The following UNC5C variants were observed in gnomAD, a reference collection of about 807,000 sequenced individuals.
UNC5C encodes netrin receptor UNC5C.
A neutral mutation model predicts 99.8 loss-of-function variants in UNC5C; 47 were observed. That is an observed-to-expected ratio of 0.47 (90% CI 0.37 to 0.60). UNC5C has a LOEUF of 0.60. Among genes scored for constraint, UNC5C ranks in the 20% least tolerant of loss-of-function variants. The pLI is 0.00. For missense variants in UNC5C, 1,062 were observed against 1,165.9 expected, an observed-to-expected ratio of 0.91 and a Z score of 1.30; for synonymous variants, 487 against 452.2, an observed-to-expected ratio of 1.08 and a Z score of -0.98.
intron 7 of UNC5C, among the ~76,000 whole-genome samples, chr4:95,227,144 T>C (rs972845747): frequency 1.3e-5 from 2 of 151,996 alleles, no homozygotes; most frequent in East Asian, 3.9e-4. Flanking sequence ...ACAATGTTTT[T>C]TTTTTTTTTT....
At chr4:95,395,554 T>A (rs569388470) in intron 1 of UNC5C, among the ~76,000 whole-genome samples, 1 of 152,132 alleles carries the variant, frequency 6.6e-6, no homozygotes, top group African/African-American at 2.4e-5. Flanking sequence ...CTCTGTCATA[T>A]CAAAGTTAAA....
At chr4:95,480,196 T>C (rs781567348) in intron 1 of UNC5C, among the ~76,000 whole-genome samples, 1 of 150,530 alleles carries the variant, frequency 6.6e-6, no homozygotes, top group Non-Finnish European at 1.5e-5. Context: ...TGTATGTACA[T>C]ATATATGTAT....
intron 1 of UNC5C, among the ~76,000 whole-genome samples, chr4:95,453,734 T>G (rs1747349839): frequency 6.6e-6 from 1 of 152,050 alleles, no homozygotes; most frequent in Non-Finnish European, 1.5e-5. Context: ...AATAAGCAGA[T>G]CATTACAGTA....
At chr4:95,503,465 T>C (rs931500575) in intron 1 of UNC5C, among the ~76,000 whole-genome samples, 1 of 152,176 alleles carries the variant, frequency 6.6e-6, no homozygotes, top group South Asian at 2.1e-4. Flanking sequence ...TCTTCTTTTG[T>C]AACATTAATA....
At position 95,419,753 on chromosome 4, in the gene UNC5C, A is replaced by G. The variant is rs549062116; in HGVS notation, c.125-84122T>C. On this transcript the variant is annotated intron_variant, in intron 1 of 15. Transcript: ENST00000453304. ...CTGGGCCCAAGGAATCCATTTATAG[A>G]CTGATGCTTTTCTGGTCCATGTTGA... 1.3e-4 allele frequency among the ~76,000 whole-genome samples: 20 copies of G among 152,206 alleles called. No individual in the cohort carries two copies. In the South Asian group the frequency reaches 3.7e-3, roughly 28 times the overall value.
chr4:95,251,475 G>A (rs1387750138), intron 4 of UNC5C, among the ~76,000 whole-genome samples: 1 of 152,156 alleles, frequency 6.6e-6, no homozygotes, highest in Non-Finnish European at 1.5e-5. Flanking sequence ...TAATATTAAT[G>A]TAGTAATAGT....
intron 3 of UNC5C, among the ~76,000 whole-genome samples, chr4:95,280,933 C>T (rs1416858393): frequency 6.6e-6 from 1 of 152,150 alleles, no homozygotes; most frequent in Non-Finnish European, 1.5e-5. Context: ...CCAATGGAAA[C>T]ATTAAGAATT....
chr4:95,191,985 C>T (rs143327507), intron 12 of UNC5C, among the ~76,000 whole-genome samples: 16 of 124,356 alleles, frequency 1.3e-4, no homozygotes, highest in Non-Finnish European at 2.1e-4. Flanking sequence ...CCTCCCCTCC[C>T]CCCTGCTAAT....
At chr4:95,456,889 C>G (rs548445105) in intron 1 of UNC5C, among the ~76,000 whole-genome samples, 11 of 152,118 alleles carry the variant, frequency 7.2e-5, no homozygotes, top group Admixed American at 2.6e-4. Flanking sequence ...TTTTCTATGA[C>G]TATAATTATT....
chr4:95,540,017 A>G (rs886509099), intron 1 of UNC5C, among the ~76,000 whole-genome samples: 1 of 152,054 alleles, frequency 6.6e-6, no homozygotes, highest in Non-Finnish European at 1.5e-5. Context: ...ATGTGTGTAT[A>G]AATATAAACA....
chr4:95,184,607 A>G (rs1414085653), intron 13 of UNC5C, among the ~76,000 whole-genome samples: 7 of 152,154 alleles, frequency 4.6e-5, no homozygotes, highest in African/African-American at 1.4e-4. Flanking sequence ...TTACTTTTAC[A>G]TGCTATTTCA....
intron 1 of UNC5C, among the ~76,000 whole-genome samples, chr4:95,522,077 C>T (rs569453319): frequency 6.6e-5 from 10 of 152,086 alleles, no homozygotes; most frequent in African/African-American, 2.4e-4. Flanking sequence ...AAATCGTATT[C>T]AATTTTCCAA....
intron 2 of UNC5C, among the ~76,000 whole-genome samples, chr4:95,306,818 T>C (rs1010188698): frequency 1.3e-5 from 2 of 152,192 alleles, no homozygotes; most frequent in Non-Finnish European, 2.9e-5. Flanking sequence ...AATTTCATTA[T>C]AGTACATTCA....
At chr4:95,311,970 C>T (rs1321879333) in intron 2 of UNC5C, among the ~76,000 whole-genome samples, 1 of 151,968 alleles carries the variant, frequency 6.6e-6, no homozygotes, top group Non-Finnish European at 1.5e-5. Context: ...TTGCTTGAGC[C>T]TAGGAGTTTG....
intron 1 of UNC5C, among the ~76,000 whole-genome samples, chr4:95,464,166 C>T (rs4529060): frequency 0.37 from 56,732 of 151,898 alleles, 11,173 homozygotes; most frequent in Admixed American, 0.44. Flanking sequence ...CCAATAAAAT[C>T]GATTTGGAAA....
intron 3 of UNC5C, among the ~76,000 whole-genome samples, chr4:95,292,550 A>T (rs1311660978): frequency 6.6e-6 from 1 of 152,090 alleles, no homozygotes; most frequent in Non-Finnish European, 1.5e-5. Flanking sequence ...ATCTTTGCCT[A>T]TGTGGACCTT....
chr4:95,475,983 C>T (rs1748133273), intron 1 of UNC5C, among the ~76,000 whole-genome samples: 2 of 152,038 alleles, frequency 1.3e-5, no homozygotes, highest in Non-Finnish European at 2.9e-5. Flanking sequence ...AAGTACTGGT[C>T]AACATTCCCA....
At chr4:95,334,061 A>T (rs145737713) in intron 2 of UNC5C, among the ~76,000 whole-genome samples, 3 of 152,046 alleles carry the variant, frequency 2.0e-5, no homozygotes, top group Non-Finnish European at 4.4e-5. Flanking sequence ...ATTGATTCAC[A>T]AATTGACAAG....
intron 1 of UNC5C, among the ~76,000 whole-genome samples, chr4:95,457,812 A>G (rs921406329): frequency 6.6e-6 from 1 of 152,128 alleles, no homozygotes; most frequent in African/African-American, 2.4e-5. Flanking sequence ...GCTTTACAAC[A>G]CAAGAAACTG....
Sources: gnomAD v4.1 joint callset for allele counts (sites outside exome capture counted in the v4.1 genomes callset) on GRCh38, gnomAD v4.1.1 for gene constraint, MANE v1.5 for transcripts, NCBI Gene and HGNC (gene_info 2026-07-23, HGNC 2026-07-21) for gene names.